The following FSTL5 variants were observed in gnomAD, a reference collection of about 807,000 sequenced individuals.
FSTL5 encodes the protein follistatin like 5.
A neutral mutation model predicts 89.1 loss-of-function variants in FSTL5; 62 were observed. The observed-to-expected ratio is 0.70, with a 90% CI of 0.57 to 0.86. The LOEUF (loss-of-function observed/expected upper bound fraction) is 0.86, where lower values mean the gene tolerates loss of function less well. FSTL5 is among the 40% of genes least tolerant of loss of function. The probability of loss-of-function intolerance (pLI) is 0.00; values close to 1 mark genes in which losing one functional copy is unlikely to be tolerated. For missense variants in FSTL5, 1,057 were observed against 1,001.6 expected (o/e 1.06, Z -0.75); for synonymous variants, 383 against 346.2 (o/e 1.11, Z -1.18).
chr4:161,879,633 T>A (rs1223911942), intron 4 of FSTL5, among the ~76,000 whole-genome samples: 1 of 152,206 alleles, frequency 6.6e-6, no homozygotes, highest in Non-Finnish European at 1.5e-5. Flanking sequence ...ACATCCAATA[T>A]GCCACCACCT....
intron 10 of FSTL5, among the ~76,000 whole-genome samples, chr4:161,528,545 AG>A (rs1282948070): frequency 3.5e-5 from 5 of 143,010 alleles, no homozygotes; most frequent in Non-Finnish European, 7.7e-5. Context: ...CAGAGTTAAT[AG>A]AAATATATGG....
intron 3 of FSTL5, among the ~76,000 whole-genome samples, chr4:161,969,125 C>A (rs934339198): frequency 6.6e-6 from 1 of 151,958 alleles, no homozygotes; most frequent in Non-Finnish European, 1.5e-5. Flanking sequence ...GAATTATATA[C>A]CCTACCTAGA....
chr4:161,502,081 C>T (rs1235927867), intron 11 of FSTL5, among the ~76,000 whole-genome samples: 1 of 151,916 alleles, frequency 6.6e-6, no homozygotes, highest in Non-Finnish European at 1.5e-5. Flanking sequence ...TTTAACTTTG[C>T]CAAAATACTG....
chr4:161,674,663 TTTGA>T (rs1294962011), intron 6 of FSTL5, among the ~76,000 whole-genome samples: 1 of 152,178 alleles, frequency 6.6e-6, no homozygotes. Context: ...CACGGGCTTG[TTTGA>T]TTGGGACATT....
Position 161,389,406 on chromosome 4 carries a change from G to A in FSTL5, c.1842-2957C>T, listed in dbSNP as rs1302559286. Among the ~76,000 whole-genome samples, 9 of 152,184 alleles carry A rather than the reference G, an allele frequency of 5.9e-5. No individual in the cohort carries two copies. The South Asian group carries it at 1.7e-3, about 28-fold the overall frequency. ...TGGATTGTCAACTTTGGTGAAAAGA[G>A]TTATAGTTATTTCTTCTTTCCAAAT... On this transcript the variant is annotated intron_variant, in intron 15 of 15. Transcript: ENST00000306100.
chr4:161,628,967 T>G (rs1233741722), intron 7 of FSTL5, among the ~76,000 whole-genome samples: 1 of 152,230 alleles, frequency 6.6e-6, no homozygotes, highest in African/African-American at 2.4e-5. Flanking sequence ...TTGGTATTTA[T>G]TATAGGGTTA....
chr4:161,836,301 T>C (rs1253549955), intron 4 of FSTL5, among the ~76,000 whole-genome samples: 1 of 86,876 alleles, frequency 1.2e-5, no homozygotes, highest in African/African-American at 4.6e-5. Flanking sequence ...CTAGGGACTG[T>C]TGTGGGGTGG....
intron 11 of FSTL5, among the ~76,000 whole-genome samples, chr4:161,506,264 G>T (rs192766754): frequency 1.2e-3 from 185 of 151,492 alleles, no homozygotes; most frequent in African/African-American, 4.0e-3. Flanking sequence ...GTAGAGACAG[G>T]TTTTTGCTAT....
chr4:161,436,148 G>A (rs1732553547), intron 15 of FSTL5, among the ~76,000 whole-genome samples: 1 of 152,082 alleles, frequency 6.6e-6, no homozygotes, highest in Non-Finnish European at 1.5e-5. Context: ...TCGCTGTGTA[G>A]TCACCAATTC....
intron 4 of FSTL5, among the ~76,000 whole-genome samples, chr4:161,825,821 A>G (rs1730650343): frequency 6.6e-6 from 1 of 152,006 alleles, no homozygotes; most frequent in African/African-American, 2.4e-5. Flanking sequence ...AATTTTATTT[A>G]TCTTTTAAAA....
At chr4:162,087,988 T>C (rs1730389803) in intron 2 of FSTL5, among the ~76,000 whole-genome samples, 2 of 152,170 alleles carry the variant, frequency 1.3e-5, no homozygotes, top group South Asian at 2.1e-4. Flanking sequence ...TTCTTTATTG[T>C]GAATGGATTA....
chr4:161,565,526 A>AAT (rs1338745219), intron 8 of FSTL5, among the ~76,000 whole-genome samples: 1 of 151,790 alleles, frequency 6.6e-6, no homozygotes, highest in African/African-American at 2.4e-5. Context: ...AAGAAAATTT[A>AAT]AGCAGGCCAG....
intron 1 of FSTL5, among the ~76,000 whole-genome samples, chr4:162,116,032 CA>C (rs980580605): frequency 6.6e-6 from 1 of 150,968 alleles, no homozygotes; most frequent in Non-Finnish European, 1.5e-5. Flanking sequence ...CGAGATGAAG[CA>C]AAATCTCCAA....
At position 161,529,795 on chromosome 4, in the gene FSTL5, G is replaced by A. The variant is rs1731349390; in HGVS notation, c.1312+8371C>T. Among the ~76,000 whole-genome samples the A allele has an allele frequency of 1.4e-5, 2 of 142,084 alleles. 1 individual carries two copies. The highest frequency in any genetic ancestry group is 1.5e-4 in the Admixed American group (2 of 13,146). The allele number at this position is 142,084 out of a possible 152,430, so 93.2% of individuals were successfully genotyped here. ...GTGATGTCTGCACTTTATCTTTATG[G>A]ATTTTTGCTGTATGTTATTATTCTA... On this transcript the variant is annotated intron_variant, in intron 10 of 15. Coordinates refer to ENST00000306100, the MANE Select transcript of FSTL5 (RefSeq NM_020116.5).
intron 6 of FSTL5, among the ~76,000 whole-genome samples, chr4:161,730,760 C>T (rs1739580259): frequency 6.6e-6 from 1 of 152,268 alleles, no homozygotes; most frequent in Non-Finnish European, 1.5e-5. Flanking sequence ...TACATGTCTG[C>T]TTGCAACTGA....
intron 15 of FSTL5, among the ~76,000 whole-genome samples, chr4:161,410,075 G>A (rs987394951): frequency 6.6e-6 from 1 of 152,150 alleles, no homozygotes; most frequent in Non-Finnish European, 1.5e-5. Context: ...AGAAAAGCCA[G>A]AGTTGCTGTT....
chr4:161,412,281 G>T (rs1301313285), intron 15 of FSTL5, among the ~76,000 whole-genome samples: 1 of 152,024 alleles, frequency 6.6e-6, no homozygotes, highest in Non-Finnish European at 1.5e-5. Flanking sequence ...TTTTACAAAT[G>T]CAATGCCATT....
chr4:162,161,629 T>A (rs1004473907), intron 1 of FSTL5, among the ~76,000 whole-genome samples: 50 of 151,976 alleles, frequency 3.3e-4, no homozygotes, highest in African/African-American at 1.2e-3. Flanking sequence ...TAAATATTTA[T>A]ACTTGAATAA....
intron 4 of FSTL5, among the ~76,000 whole-genome samples, chr4:161,801,462 T>C (rs1003302799): frequency 1.3e-5 from 2 of 151,460 alleles, no homozygotes; most frequent in Non-Finnish European, 3.0e-5. Flanking sequence ...TAGAGAAATA[T>C]GAGAAAGAAT....
Sources: allele counts gnomAD v4.1 joint callset (sites outside exome capture counted in the v4.1 genomes callset), GRCh38; gene constraint gnomAD v4.1.1; transcripts MANE v1.5; gene names NCBI Gene and HGNC (gene_info 2026-07-23, HGNC 2026-07-21).